The following TRIM37 variants were observed in gnomAD, a reference collection of about 807,000 sequenced individuals.
TRIM37 encodes tripartite motif containing 37.
A neutral mutation model predicts 129.8 loss-of-function variants in TRIM37; 80 were observed. That is an observed-to-expected ratio of 0.62 (90% CI 0.51 to 0.74). The LOEUF is 0.74. Ranked by LOEUF, TRIM37 falls within the 30% of genes least tolerant of loss-of-function variation. The pLI is 0.00. For synonymous variants in TRIM37, 389 were observed against 387.1 expected, an observed-to-expected ratio of 1.00 and a Z score of -0.06; for missense variants, 1,054 against 1,176.5, an observed-to-expected ratio of 0.90 and a Z score of 1.52.
At chr17:59,007,794 G>A (rs1006487827) in intron 22 of TRIM37, among the ~76,000 whole-genome samples, 6 of 152,134 alleles carry the variant, frequency 3.9e-5, no homozygotes, top group Non-Finnish European at 8.8e-5. Context: ...TGATGCTTAA[G>A]AGCAATTAAG....
At chr17:58,988,033 T>C (rs1030271643) in intron 24 of TRIM37, among the ~76,000 whole-genome samples, 1 of 152,102 alleles carries the variant, frequency 6.6e-6, no homozygotes, top group Admixed American at 6.5e-5. Flanking sequence ...GGTTGCAGAG[T>C]AACCAAGTGG....
At chr17:58,969,687 G>A in the TRIM37 span, 13 of 1,614,044 alleles carry the variant, frequency 8.1e-6, no homozygotes, top group South Asian at 5.5e-5. Context: ...AGGGCCTTCC[G>A]GGTCACTGAT....
At position 59,036,447 on chromosome 17, in the gene TRIM37, G is replaced by GTGTGT. The variant is rs2038497208; in HGVS notation, c.1754-4358_1754-4357insACACA. Among the ~76,000 whole-genome samples, 90 of 140,674 alleles carry GTGTGT rather than the reference G, an allele frequency of 6.4e-4. 1 individual carries two copies. The highest frequency in any genetic ancestry group is 3.5e-3 in the Middle Eastern group (1 of 282). The allele number at this position is 140,674 out of a possible 152,430, so 92.3% of individuals were successfully genotyped here. A position where few individuals can be genotyped will look rare whatever the true frequency, so the allele number is the denominator to read the frequency against. On this transcript the variant is annotated intron_variant, in intron 17 of 23. Coordinates refer to ENST00000262294, the MANE Select transcript of TRIM37 (RefSeq NM_015294.6). ...AAAAATCTAGTTTGTATTTGCTGGGGGTGTGTGTGTGTGTGTGTGTGTGTG... is the reference window on the plus strand; with the variant it reads ...AAAAATCTAGTTTGTATTTGCTGGGGTGTGTGTGTGTGTGTGTGTGTGTGTGTGTG...
chr17:59,104,825 T>C (rs1280605454), intron 1 of TRIM37, among the ~76,000 whole-genome samples: 1 of 151,974 alleles, frequency 6.6e-6, no homozygotes, highest in African/African-American at 2.4e-5. Flanking sequence ...GGCATGATGG[T>C]TCATTACTGT....
downstream of TRIM37, among the ~76,000 whole-genome samples, chr17:58,995,449 G>A (rs2032895649): frequency 1.3e-5 from 2 of 151,056 alleles, no homozygotes; most frequent in African/African-American, 4.9e-5. Flanking sequence ...AAGGGCACAG[G>A]AGCCAATCTG....
the TRIM37 span, among the ~76,000 whole-genome samples, chr17:58,971,161 T>G: frequency 6.6e-6 from 1 of 152,140 alleles, no homozygotes; most frequent in East Asian, 1.9e-4. Context: ...CAGCCCTGCC[T>G]CCTGTTCTCT....
chr17:58,983,010 A>AAT (rs1555626059), intron 24 of TRIM37: 7 of 1,251,026 alleles, frequency 5.6e-6, no homozygotes, highest in Non-Finnish European at 7.9e-6. Flanking sequence ...AGCTTTTTAA[A>AAT]ATTTCTATTG....
At chr17:59,075,580 A>AC (rs2042746060) in intron 8 of TRIM37, 67 bp downstream of exon 8, 1 of 1,065,646 alleles carries the variant, frequency 9.4e-7, no homozygotes, top group South Asian at 1.5e-5. Context: ...AAAAAAAAAA[A>AC]AAAACAACTA....
chr17:58,988,177 TGCA>T (rs1242304166), intron 24 of TRIM37, among the ~76,000 whole-genome samples: 1 of 152,192 alleles, frequency 6.6e-6, no homozygotes, highest in East Asian at 1.9e-4. Context: ...GAATATGGGC[TGCA>T]GGAGTGTTAA....
At chr17:58,982,217 G>A (rs2031397222), downstream of TRIM37, 2 of 152,578 alleles carry the variant, frequency 1.3e-5, no homozygotes, top group Admixed American at 1.3e-4. Context: ...CAGGACGTGT[G>A]CTTTTCATTT....
intron 2 of TRIM37, among the ~76,000 whole-genome samples, 187 bp downstream of exon 2, chr17:59,104,106 C>T (rs1290654063): frequency 1.3e-5 from 2 of 152,120 alleles, no homozygotes; most frequent in Non-Finnish European, 2.9e-5. Flanking sequence ...AACTCCATTC[C>T]CTCAATTAGA....
At chr17:58,980,988 A>G, downstream of TRIM37, 1 of 1,613,614 alleles carries the variant, frequency 6.2e-7, no homozygotes, top group African/African-American at 1.3e-5. This position sits in a 1 kb window ranked among gnomAD's most constrained non-coding sequence, Gnocchi z 4.7. Flanking sequence ...AAGACTCATG[A>G]TATTCCATGC....
Position 59,106,774 on chromosome 17 carries a change from G to C in TRIM37, c.-313C>G, listed in dbSNP as rs2046043050. 5.4e-6 allele frequency: 3 copies of C among 553,928 alleles called. No individual in the cohort carries two copies. The highest frequency in any genetic ancestry group is 9.7e-6 in the Non-Finnish European group (3 of 310,062). 34.3% of individuals were successfully genotyped at this position (553,928 alleles called of 1,614,324 possible). On this transcript the variant is annotated 5_prime_UTR_variant, in exon 1 of 24. Coordinates refer to ENST00000262294, the MANE Select transcript of TRIM37 (RefSeq NM_015294.6). Reference sequence around the variant, plus strand: ...ACCTCGGCCCACGTGACGCGGGCGCGCGCCTATGGAACTGACGGTGGAGTT... The same window carrying C: ...ACCTCGGCCCACGTGACGCGGGCGCCCGCCTATGGAACTGACGGTGGAGTT...
chr17:59,091,041 T>C (rs1036037065), intron 3 of TRIM37, among the ~76,000 whole-genome samples: 5 of 152,164 alleles, frequency 3.3e-5, no homozygotes, highest in Non-Finnish European at 7.3e-5. Context: ...TAAAAATTTG[T>C]TGCTTAATTA....
intron 16 of TRIM37, among the ~76,000 whole-genome samples, chr17:59,042,445 AAAAAATATATATAT>A (rs1345536996): frequency 0.039 from 1,582 of 40,196 alleles, 28 homozygotes; most frequent in South Asian, 0.094. Context: ...AAAAAAAAAA[AAAAAATATATATAT>A]ATATATATAT....
In TRIM37 at chr17:59,035,763, C is replaced by CAAAAAAA. The variant is rs1568039723; in HGVS notation, c.1754-3674_1754-3673insTTTTTTT. ...TTCAAAAAAACAAAAAAACAAAAAA[C>CAAAAAAA]CAAAAAAACAAAAAAACAACAAAAA... is the stretch of plus-strand genomic sequence containing the variant. On this transcript the variant is annotated intron_variant, in intron 17 of 23. Transcript: ENST00000262294. Among the ~76,000 whole-genome samples, 15 of 147,608 alleles carry CAAAAAAA rather than the reference C, an allele frequency of 1.0e-4. 1 individual carries two copies. The highest frequency in any genetic ancestry group is 3.4e-3 in the Middle Eastern group (1 of 290).
intron 12 of TRIM37, among the ~76,000 whole-genome samples, chr17:59,057,402 G>A (rs1799116425): frequency 6.6e-6 from 1 of 152,160 alleles, no homozygotes; most frequent in African/African-American, 2.4e-5. Flanking sequence ...GTGGAGACGG[G>A]GGTTCATGTT....
rs140102566 is a variant in TRIM37, at chr17:59,053,777, C to T, written c.1200-2449G>A. Among the ~76,000 whole-genome samples, 55 of 152,116 alleles carry T rather than the reference C, an allele frequency of 3.6e-4. 1 individual carries two copies. The East Asian group carries it at 9.5e-3, about 26-fold the overall frequency. Reference sequence around the variant, plus strand: ...AACCCCAAAAGTCTGAAAAGCTATACGAAGAAAACTAAAATAATCCCTCCC... The same window carrying T: ...AACCCCAAAAGTCTGAAAAGCTATATGAAGAAAACTAAAATAATCCCTCCC... On this transcript the variant is annotated intron_variant, in intron 13 of 23. Transcript: ENST00000262294.
At chr17:58,988,169 A>T (rs1424114494) in intron 24 of TRIM37, among the ~76,000 whole-genome samples, 1 of 152,186 alleles carries the variant, frequency 6.6e-6, no homozygotes, top group Admixed American at 6.5e-5. Context: ...TGAAGGCAGA[A>T]TATGGGCTGC....
Sources: allele counts gnomAD v4.1 joint callset (sites outside exome capture counted in the v4.1 genomes callset), GRCh38; gene constraint gnomAD v4.1.1; non-coding constraint Gnocchi (gnomAD v3.1); transcripts MANE v1.5; gene names NCBI Gene and HGNC (gene_info 2026-07-23, HGNC 2026-07-21).